The following TPST2 variants were observed in gnomAD, a reference collection of about 807,000 sequenced individuals.
The protein encoded by TPST2 is tyrosylprotein sulfotransferase 2.
Under a neutral mutation model 27.8 loss-of-function variants are expected in TPST2, and 16 were observed. The observed-to-expected ratio is 0.58, with a 90% CI of 0.39 to 0.88. The LOEUF (loss-of-function observed/expected upper bound fraction) is 0.88, where lower values mean the gene tolerates loss of function less well. TPST2 is among the 40% of genes least tolerant of loss of function. The pLI, the probability that TPST2 is intolerant of heterozygous loss-of-function variation, is 0.00. For missense variants in TPST2, 464 were observed against 543.1 expected, an observed-to-expected ratio of 0.85 and a Z score of 1.45; for synonymous variants, 229 against 231.7, an observed-to-expected ratio of 0.99 and a Z score of 0.10.
intron 1 of TPST2, among the ~76,000 whole-genome samples, chr22:26,579,413 A>G (rs1308026086): frequency 1.4e-4 from 21 of 152,138 alleles, no homozygotes; most frequent in Admixed American, 1.0e-3. Context: ...TCTTCCCCAC[A>G]GCCCTGGGGC....
chr22:26,522,009 AC>A lies in TPST2; in HGVS notation c.*4265del, dbSNP rs1213893902. On this transcript the variant is annotated 3_prime_UTR_variant, in exon 7 of 7. Transcript: ENST00000338754. ...GAGAAGATATGGTTGGTTCATCACA[AC>A]CTTTTATTTCACAATATTAATAGTA... 1 of 152,116 alleles carries A rather than the reference AC, an allele frequency of 6.6e-6. No homozygotes were observed. The highest frequency in any genetic ancestry group is 1.5e-5 in the Non-Finnish European group (1 of 68,024). The allele number at this position is 152,116 out of a possible 1,614,324, so 9.4% of individuals were successfully genotyped here. A position where few individuals can be genotyped will look rare whatever the true frequency, so the allele number is the denominator to read the frequency against.
chr22:26,567,798 T>C (rs959985153), intron 1 of TPST2, among the ~76,000 whole-genome samples: 1 of 152,172 alleles, frequency 6.6e-6, no homozygotes, highest in African/African-American at 2.4e-5. Flanking sequence ...AAGTGGTCAA[T>C]AAGCATATGA....
chr22:26,568,260 A>C (rs956827853), intron 1 of TPST2, among the ~76,000 whole-genome samples: 1 of 152,224 alleles, frequency 6.6e-6, no homozygotes, highest in African/African-American at 2.4e-5. Context: ...CGCAATAACA[A>C]CACCTGTGAT....
intron 1 of TPST2, among the ~76,000 whole-genome samples, chr22:26,554,099 G>A (rs1274368848): frequency 6.6e-6 from 1 of 152,192 alleles, no homozygotes. Context: ...TTAGAGAGGT[G>A]AAGTGCTTTG....
intron 5 of TPST2, among the ~76,000 whole-genome samples, chr22:26,528,653 A>G (rs572420935): frequency 6.6e-6 from 1 of 152,312 alleles, no homozygotes; most frequent in South Asian, 2.1e-4. Flanking sequence ...AGTTCCTGGC[A>G]CATAGCTCCC....
At chr22:26,529,099 G>A (rs1925007081) in intron 5 of TPST2, among the ~76,000 whole-genome samples, 1 of 152,140 alleles carries the variant, frequency 6.6e-6, no homozygotes, top group South Asian at 2.1e-4. Flanking sequence ...GTCTCAGAAA[G>A]ACCAAGGCAT....
intron 1 of TPST2, among the ~76,000 whole-genome samples, chr22:26,568,034 C>T (rs1038239968): frequency 2.6e-5 from 4 of 152,214 alleles, no homozygotes; most frequent in Admixed American, 2.6e-4. Flanking sequence ...ACCTTCTCTA[C>T]AACCCAGCAT....
At chr22:26,569,049 G>C (rs1052693108) in intron 1 of TPST2, among the ~76,000 whole-genome samples, 10 of 151,974 alleles carry the variant, frequency 6.6e-5, no homozygotes, top group Admixed American at 5.2e-4. Flanking sequence ...ATTTTCAGTA[G>C]AGACGGGCTT....
chr22:26,548,882 C>T (rs1297223161), intron 1 of TPST2, among the ~76,000 whole-genome samples: 1 of 152,040 alleles, frequency 6.6e-6, no homozygotes, highest in Non-Finnish European at 1.5e-5. Context: ...GCAGGAGGAT[C>T]ACTTGAACCC....
intron 1 of TPST2, among the ~76,000 whole-genome samples, chr22:26,588,682 C>T (rs1468663237): frequency 3.3e-5 from 5 of 152,106 alleles, no homozygotes; most frequent in African/African-American, 7.2e-5. Context: ...CCAACAGTTC[C>T]TTTAGGACAA....
chr22:26,579,496 G>A (rs574995937), intron 1 of TPST2, among the ~76,000 whole-genome samples: 1 of 152,192 alleles, frequency 6.6e-6, no homozygotes. Context: ...CTTGTAGGGC[G>A]GCCTTGCCAG....
chr22:26,583,868 T>C (rs962301690), intron 1 of TPST2, among the ~76,000 whole-genome samples: 2 of 151,944 alleles, frequency 1.3e-5, no homozygotes, highest in African/African-American at 4.8e-5. Context: ...TTTAAAGCAA[T>C]GGAACTGCTT....
intron 1 of TPST2, among the ~76,000 whole-genome samples, chr22:26,549,656 CAAAAAAAA>C (rs71192939): frequency 2.4e-4 from 14 of 58,654 alleles, no homozygotes; most frequent in Admixed American, 8.2e-4. Context: ...GACTCCGTCT[CAAAAAAAA>C]AAAAAAAAAA....
chr22:26,560,375 T>G (rs1602285706), intron 1 of TPST2, among the ~76,000 whole-genome samples: 1 of 152,192 alleles, frequency 6.6e-6, no homozygotes, highest in Non-Finnish European at 1.5e-5. Context: ...AAAATGAGAA[T>G]CATATTGCAG....
At chr22:26,533,669 G>A (rs1001641536) in intron 4 of TPST2, among the ~76,000 whole-genome samples, 1 of 150,892 alleles carries the variant, frequency 6.6e-6, no homozygotes, top group East Asian at 2.0e-4. Flanking sequence ...ACCTGATATA[G>A]CTAATTTTTT....
intron 1 of TPST2, among the ~76,000 whole-genome samples, chr22:26,566,318 C>T (rs1927377605): frequency 6.6e-6 from 1 of 151,912 alleles, no homozygotes; most frequent in Non-Finnish European, 1.5e-5. Flanking sequence ...TTTGGGGGGC[C>T]GAGGAAGGCG....
At chr22:26,584,004 C>A (rs1318713158) in intron 1 of TPST2, among the ~76,000 whole-genome samples, 20 of 152,370 alleles carry the variant, frequency 1.3e-4, no homozygotes, top group Non-Finnish European at 7.3e-5. Flanking sequence ...GGGGCAGCTT[C>A]AGGCCACTCC....
rs1222446291 is a variant in TPST2 at position 26,541,328 on chromosome 22, G to A, written c.303C>T (p.Arg101=). The A allele has an allele frequency of 3.9e-6, 6 of 1,548,512 alleles. No homozygotes were observed. The South Asian group carries it at 7.4e-5, about 19-fold the overall frequency. The part of the protein sequence containing the change: ...HPEVRCGEET[R]IIPRVLAMRQ... ...GCATGGCCAGCACGCGCGGGATGATGCGGGTCTCCTCGCCGCAGCGCACCT... is the reference window on the plus strand; with the variant it reads ...GCATGGCCAGCACGCGCGGGATGATACGGGTCTCCTCGCCGCAGCGCACCT... Residue 101 remains arginine (R), a synonymous_variant, in exon 3 of 7, where the codon CGC becomes CGT. Coordinates refer to ENST00000338754, the MANE Select transcript of TPST2 (RefSeq NM_003595.5). This position sits in a 1 kb window ranked among gnomAD's most constrained non-coding sequence, Gnocchi z 5.9.
At chr22:26,579,585 G>T (rs1329374745) in intron 1 of TPST2, among the ~76,000 whole-genome samples, 1 of 152,220 alleles carries the variant, frequency 6.6e-6, no homozygotes, top group Admixed American at 6.5e-5. Context: ...AAGGTTTCTG[G>T]CTGAGCCCCC....
Sources: gnomAD v4.1 joint callset for allele counts (sites outside exome capture counted in the v4.1 genomes callset) on GRCh38, gnomAD v4.1.1 for gene constraint, Gnocchi (gnomAD v3.1) non-coding constraint, MANE v1.5 for transcripts, NCBI Gene and HGNC (gene_info 2026-07-23, HGNC 2026-07-21) for gene names.